The following AKTIP variants were observed in gnomAD, a reference collection of about 807,000 sequenced individuals.
The protein encoded by AKTIP is AKT-interacting protein.
Under a neutral mutation model 39.1 loss-of-function variants are expected in AKTIP, and 16 were observed. The observed-to-expected ratio is 0.41, with a 90% CI of 0.28 to 0.62. The LOEUF is 0.62. AKTIP is among the 20% of genes least tolerant of loss of function. The pLI is 0.32. For synonymous variants in AKTIP, 93 were observed against 124.3 expected (o/e 0.75, Z 1.67); for missense variants, 262 against 356.6 (o/e 0.73, Z 2.14).
intron 2 of AKTIP, among the ~76,000 whole-genome samples, chr16:53,499,857 C>T (rs939337566): frequency 6.6e-6 from 1 of 151,790 alleles, no homozygotes. Flanking sequence ...AAATTAGTGC[C>T]CCTCAAGTCT....
At chr16:53,499,287 C>G (rs1055001808) in intron 2 of AKTIP, among the ~76,000 whole-genome samples, 3 of 152,152 alleles carry the variant, frequency 2.0e-5, no homozygotes, top group Admixed American at 6.5e-5. Flanking sequence ...TGCATTGCTC[C>G]AGTGATGGGG....
Position 53,492,053 on chromosome 16 carries a change from G to C in AKTIP, c.*359C>G, listed in dbSNP as rs1598145984. 1 of 189,394 alleles carries C rather than the reference G, an allele frequency of 5.3e-6. No individual in the cohort carries two copies. Among genetic ancestry groups the C allele is most frequent in the East Asian group, 1.4e-4 (1 of 7,310 alleles). The allele number at this position is 189,394 out of a possible 1,614,324, so 11.7% of individuals were successfully genotyped here. ...TCCATTTCCTAACATATATACAACT[G>C]AAACCACTGATTTATAAACTATTAA... is the stretch of plus-strand genomic sequence containing the variant. On this transcript the variant is annotated 3_prime_UTR_variant, in exon 10 of 10. Coordinates refer to ENST00000394657, the MANE Select transcript of AKTIP (RefSeq NM_022476.4).
In AKTIP at chr16:53,494,501, C is replaced by A. The variant is rs1467750007; in HGVS notation, c.503+16G>T. 1 of 1,614,052 alleles carries A rather than the reference C, an allele frequency of 6.2e-7. No individual in the cohort carries two copies. Among genetic ancestry groups the A allele is most frequent in the African/African-American group, 1.3e-5 (1 of 75,048 alleles). On this transcript the variant is annotated intron_variant, in intron 6 of 9. Transcript: ENST00000394657. ...TGCTGTATTATGTCACTAAAAGAAA[C>A]ACTTTATTTACTTACCTCCATTTTG...
In AKTIP at chr16:53,494,497, GA is replaced by G; in HGVS notation, c.503+19del. On this transcript the variant is annotated intron_variant, in intron 6 of 9. Transcript: ENST00000394657. Reference sequence around the variant, plus strand: ...CTCTTGCTGTATTATGTCACTAAAAGAAACACTTTATTTACTTACCTCCATT... The same window carrying G: ...CTCTTGCTGTATTATGTCACTAAAAGAACACTTTATTTACTTACCTCCATT... 6.2e-7 allele frequency: 1 copy of G among 1,613,918 alleles called. No individual in the cohort carries two copies. The highest frequency in any genetic ancestry group is 8.5e-7 in the Non-Finnish European group (1 of 1,179,844).
chr16:53,496,063 G>A (rs1026288142), intron 3 of AKTIP, among the ~76,000 whole-genome samples: 1 of 152,198 alleles, frequency 6.6e-6, no homozygotes, highest in African/African-American at 2.4e-5. Flanking sequence ...CTGGGACCCA[G>A]TTACCCACCC....
chr16:53,492,757 A>G lies in AKTIP; in HGVS notation c.711-4T>C, dbSNP rs540691372. 1 of 1,612,846 alleles carries G rather than the reference A, an allele frequency of 6.2e-7. No homozygotes were observed. The highest frequency in any genetic ancestry group is 1.1e-5 in the South Asian group (1 of 90,858). On this transcript the variant is annotated splice_polypyrimidine_tract_variant and splice_region_variant and intron_variant, in intron 8 of 9. Coordinates refer to ENST00000394657, the MANE Select transcript of AKTIP (RefSeq NM_022476.4). ...AGAAGGATTCCATGGAGAAAAGCTTAAGGAAGAGAAAAGTATTTAAAAACT... is the reference window on the plus strand; with the variant it reads ...AGAAGGATTCCATGGAGAAAAGCTTGAGGAAGAGAAAAGTATTTAAAAACT...
intron 8 of AKTIP, 154 bp downstream of exon 8, chr16:53,493,984 C>T: frequency 1.7e-6 from 1 of 601,552 alleles, no homozygotes; most frequent in Non-Finnish European, 3.0e-6. Context: ...CCTCAAGAGG[C>T]ATCAGAAATC....
intron 5 of AKTIP, 25 bp from the exon 6 acceptor site, chr16:53,494,630 G>A: frequency 1.2e-6 from 2 of 1,604,304 alleles, no homozygotes; most frequent in Non-Finnish European, 1.7e-6. Flanking sequence ...AGAGAGACAT[G>A]TCCTTTAATG....
chr16:53,495,414 C>T (rs1056842812), intron 3 of AKTIP, 88 bp from the exon 4 acceptor site: 76 of 1,297,310 alleles, frequency 5.9e-5, no homozygotes, highest in African/African-American at 1.6e-4. Context: ...AGACAATGAA[C>T]GGCCCCTCAA....
At chr16:53,497,096 T>C (rs1288365686) in intron 3 of AKTIP, among the ~76,000 whole-genome samples, 1 of 152,186 alleles carries the variant, frequency 6.6e-6, no homozygotes, top group African/African-American at 2.4e-5. Flanking sequence ...TGTGCCTGGC[T>C]CAAGGATGCT....
chr16:53,497,285 C>T (rs1019994290), intron 3 of AKTIP, among the ~76,000 whole-genome samples: 1 of 152,188 alleles, frequency 6.6e-6, no homozygotes, highest in African/African-American at 2.4e-5. Context: ...TGCTTGGCTT[C>T]TTGCACTCCA....
chr16:53,500,755 GT>G (rs1962120980), intron 1 of AKTIP, among the ~76,000 whole-genome samples: 1 of 152,148 alleles, frequency 6.6e-6, no homozygotes, highest in Non-Finnish European at 1.5e-5. Flanking sequence ...ATAACAAGGG[GT>G]TATAAAAACC....
chr16:53,493,585 A>G (rs1961633471), intron 8 of AKTIP: 1 of 155,428 alleles, frequency 6.4e-6, no homozygotes, highest in African/African-American at 2.4e-5. Context: ...GATTACTGGC[A>G]TAAGCCACCA....
At chr16:53,500,666 C>T (rs1962114904) in intron 1 of AKTIP, among the ~76,000 whole-genome samples, 2 of 152,170 alleles carry the variant, frequency 1.3e-5, no homozygotes, top group African/African-American at 4.8e-5. Flanking sequence ...GCATGAGCCA[C>T]CACGCCCGGC....
intron 2 of AKTIP, among the ~76,000 whole-genome samples, 176 bp downstream of exon 2, chr16:53,500,040 AAC>A (rs1962076603): frequency 6.6e-6 from 1 of 152,188 alleles, no homozygotes; most frequent in African/African-American, 2.4e-5. Context: ...TAGTCTCAGA[AAC>A]AGACTTCAAC....
chr16:53,501,902 G>T (rs1962190750), intron 1 of AKTIP: 1 of 152,190 alleles, frequency 6.6e-6, no homozygotes, highest in Admixed American at 6.6e-5. Flanking sequence ...ATATACTTGA[G>T]ATATCAAAAA....
intron 3 of AKTIP, among the ~76,000 whole-genome samples, chr16:53,497,386 A>C (rs1222617405): frequency 6.6e-6 from 1 of 152,162 alleles, no homozygotes; most frequent in African/African-American, 2.4e-5. Context: ...TCTTCCCTAG[A>C]ATTGCTAAGT....
chr16:53,503,068 G>A (rs1220519212), intron 1 of AKTIP, 79 bp downstream of exon 1: 1 of 152,336 alleles, frequency 6.6e-6, no homozygotes, highest in Non-Finnish European at 1.5e-5. Flanking sequence ...CAAATGCCGG[G>A]CCCGTGGAGG....
chr16:53,496,971 AT>A (rs997561710), intron 3 of AKTIP, among the ~76,000 whole-genome samples: 6 of 149,712 alleles, frequency 4.0e-5, no homozygotes, highest in South Asian at 4.2e-4. Context: ...GAAATTTTTA[AT>A]TTTTTTTTTA....
Sources: allele counts gnomAD v4.1 joint callset (sites outside exome capture counted in the v4.1 genomes callset), GRCh38; gene constraint gnomAD v4.1.1; transcripts MANE v1.5; gene names NCBI Gene and HGNC (gene_info 2026-07-23, HGNC 2026-07-21).